Variants in KCNH7 observed in about 807,000 individuals in gnomAD.
The protein encoded by KCNH7 is potassium voltage-gated channel subfamily H member 7.
KCNH7 carries 49 observed loss-of-function variants against 120.8 expected under a neutral mutation model. The observed-to-expected ratio is 0.41, with a 90% CI of 0.32 to 0.51. KCNH7 has a LOEUF of 0.51. Among genes scored for constraint, KCNH7 ranks in the 20% least tolerant of loss-of-function variants. KCNH7 has a pLI of 0.38. For missense variants in KCNH7, 1,097 were observed against 1,446.6 expected (o/e 0.76, Z 3.92); for synonymous variants, 547 against 516.1 (o/e 1.06, Z -0.81).
chr2:162,807,274 A>AC (rs1684580742), intron 2 of KCNH7, among the ~76,000 whole-genome samples: 9 of 105,364 alleles, frequency 8.5e-5, no homozygotes, highest in South Asian at 3.8e-4. Flanking sequence ...AAAAAAAAAA[A>AC]AAAAAAAAAC....
intron 8 of KCNH7, among the ~76,000 whole-genome samples, chr2:162,428,923 T>A (rs1687962780): frequency 6.6e-6 from 1 of 151,874 alleles, no homozygotes; most frequent in Admixed American, 6.6e-5. Context: ...TATGGCTGTC[T>A]TATTTTTAAA....
At position 162,396,944 on chromosome 2, in the gene KCNH7, T is replaced by C. The variant is rs1029783748; in HGVS notation, c.2409A>G (p.Gly803=). 37 of 1,597,326 alleles carry C rather than the reference T, an allele frequency of 2.3e-5. No individual in the cohort carries two copies. The highest frequency in any genetic ancestry group is 3.0e-5 in the Non-Finnish European group (35 of 1,167,586). The change falls in exon 11 of 16, where the codon GGA becomes GGG. Residue 803 remains glycine, a splice_region_variant and synonymous_variant. Transcript: ENST00000332142. ...LKDDIVVAIL[G]KNDIFGEMVH... ...CCATTTCTCCAAATATATCATTTTT[T>C]CCTAAGAAAATATAAAGAAAAAGAG...
chr2:162,384,976 G>C (rs779993214), intron 12 of KCNH7, 37 bp from the exon 13 acceptor site: 2 of 1,540,192 alleles, frequency 1.3e-6, no homozygotes, highest in Non-Finnish European at 1.8e-6. Context: ...TTATTTTATA[G>C]CAGACAATTA....
At chr2:162,670,674 G>A (rs1023848216) in intron 2 of KCNH7, among the ~76,000 whole-genome samples, 4 of 151,126 alleles carry the variant, frequency 2.6e-5, no homozygotes, top group African/African-American at 7.3e-5. Flanking sequence ...CATTTCCTAG[G>A]ATAACCTGTA....
intron 4 of KCNH7, among the ~76,000 whole-genome samples, chr2:162,515,344 C>G (rs1237042689): frequency 6.6e-6 from 1 of 151,598 alleles, no homozygotes; most frequent in Non-Finnish European, 1.5e-5. Flanking sequence ...TAACTGTGCA[C>G]TAAATGGATA....
chr2:162,470,576 G>A (rs573486924), intron 6 of KCNH7, among the ~76,000 whole-genome samples: 4 of 151,826 alleles, frequency 2.6e-5, no homozygotes, highest in Admixed American at 6.5e-5. Context: ...GGAGGGAGGT[G>A]GGGGTCAGCC....
intron 4 of KCNH7, among the ~76,000 whole-genome samples, chr2:162,514,874 G>T (rs908308693): frequency 6.6e-6 from 1 of 151,688 alleles, no homozygotes; most frequent in Non-Finnish European, 1.5e-5. Context: ...TTAAAGTTCT[G>T]TGAAGATAGC....
chr2:162,417,962 C>T, intron 9 of KCNH7, among the ~76,000 whole-genome samples: 1 of 152,084 alleles, frequency 6.6e-6, no homozygotes, highest in East Asian at 1.9e-4. Context: ...GTGAACTTTG[C>T]CTTTTAAAAG....
rs193017306 is a variant in KCNH7 at position 162,832,098 on chromosome 2, G to A, written c.307+4439C>T. On this transcript the variant is annotated intron_variant, in intron 2 of 15. Coordinates refer to ENST00000332142, the MANE Select transcript of KCNH7 (RefSeq NM_033272.4). ...GGCACATAAGAGAAAATGAATTTTA[G>A]GATTACTGTTGTTGCAATAGTCTAT... 2.0e-5 allele frequency among the ~76,000 whole-genome samples: 3 copies of A among 152,204 alleles called. No homozygotes were observed. In the East Asian group the frequency reaches 5.8e-4, roughly 29 times the overall value.
At chr2:162,617,732 T>A (rs575032901) in intron 2 of KCNH7, among the ~76,000 whole-genome samples, 7 of 152,304 alleles carry the variant, frequency 4.6e-5, no homozygotes, top group African/African-American at 1.7e-4. Flanking sequence ...AACTGGTTAC[T>A]AATGTACAAA....
At chr2:162,639,335 A>C (rs913472143) in intron 2 of KCNH7, among the ~76,000 whole-genome samples, 2 of 152,126 alleles carry the variant, frequency 1.3e-5, no homozygotes, top group Non-Finnish European at 2.9e-5. Context: ...CAATTCTTTA[A>C]AAATATTACA....
intron 2 of KCNH7, among the ~76,000 whole-genome samples, chr2:162,694,458 G>A (rs769885458): frequency 3.2e-4 from 48 of 149,600 alleles, no homozygotes; most frequent in Admixed American, 4.6e-4. Flanking sequence ...CAGCTGGTGC[G>A]TGTGGGTATG....
intron 2 of KCNH7, among the ~76,000 whole-genome samples, chr2:162,571,405 C>A (rs1025811598): frequency 6.7e-6 from 1 of 149,012 alleles, no homozygotes; most frequent in East Asian, 2.0e-4. Flanking sequence ...AGGATACAAA[C>A]AAATGGAAGA....
At chr2:162,607,298 G>A (rs930353763) in intron 2 of KCNH7, among the ~76,000 whole-genome samples, 1 of 151,692 alleles carries the variant, frequency 6.6e-6, no homozygotes, top group African/African-American at 2.4e-5. Flanking sequence ...GCTGAGGCAG[G>A]AGAATTGCTT....
intron 2 of KCNH7, among the ~76,000 whole-genome samples, chr2:162,766,132 T>C (rs1418880134): frequency 1.3e-5 from 2 of 152,190 alleles, no homozygotes; most frequent in African/African-American, 4.8e-5. Flanking sequence ...AAGCATTTAA[T>C]GTTTTTGCTT....
At chr2:162,649,132 A>T (rs1019232271) in intron 2 of KCNH7, among the ~76,000 whole-genome samples, 2 of 152,216 alleles carry the variant, frequency 1.3e-5, no homozygotes, top group African/African-American at 2.4e-5. Context: ...ACTATCAATT[A>T]TTAAATAAAT....
intron 14 of KCNH7, among the ~76,000 whole-genome samples, chr2:162,375,896 A>T (rs1686151643): frequency 7.3e-6 from 1 of 137,504 alleles, no homozygotes; most frequent in Non-Finnish European, 1.6e-5. Context: ...GACCCTATCT[A>T]AAAAAAAAAA....
rs528870623 is a variant in KCNH7 at position 162,826,475 on chromosome 2, T to C, written c.307+10062A>G. ...TAAGAAGAGTGATTTGTTATGTCTT[T>C]TTATAATGAGTTACAGGTTATTAAG... On this transcript the variant is annotated intron_variant, in intron 2 of 15. Transcript: ENST00000332142. Among the ~76,000 whole-genome samples, 4 of 152,264 alleles carry C rather than the reference T, an allele frequency of 2.6e-5. No homozygotes were observed. In the East Asian group the frequency reaches 7.7e-4, roughly 29 times the overall value.
At position 162,820,033 on chromosome 2, in the gene KCNH7, C is replaced by CTTTTTTT. The variant is rs66809770; in HGVS notation, c.307+16497_307+16503dup. ...TTCGGGTATTTCTTTATTCCATAAA[C>CTTTTTTT]TTTTTTTTTTTTTTTTTTTTTTTTG... On this transcript the variant is annotated intron_variant, in intron 2 of 15. Transcript: ENST00000332142. Among the ~76,000 whole-genome samples, 69 of 77,036 alleles carry CTTTTTTT rather than the reference C, an allele frequency of 9.0e-4. 1 individual carries two copies. The highest frequency in any genetic ancestry group is 1.0e-3 in the Non-Finnish European group (42 of 41,130). The allele number at this position is 77,036 out of a possible 152,430, so 50.5% of individuals were successfully genotyped here.
Sources: gnomAD v4.1 joint callset for allele counts (sites outside exome capture counted in the v4.1 genomes callset) on GRCh38, gnomAD v4.1.1 for gene constraint, MANE v1.5 for transcripts, NCBI Gene and HGNC (gene_info 2026-07-23, HGNC 2026-07-21) for gene names.